The following TATDN2 variants were observed in gnomAD, a reference collection of about 807,000 sequenced individuals.
The protein encoded by TATDN2 is 3'-5' RNA nuclease TATDN2.
TATDN2 carries 44 observed loss-of-function variants against 60.3 expected under a neutral mutation model. The observed-to-expected ratio is 0.73, with a 90% CI of 0.57 to 0.94. The LOEUF is 0.94. Among genes scored for constraint, TATDN2 ranks in the 40% least tolerant of loss-of-function variants. The probability of loss-of-function intolerance (pLI) is 0.00; values close to 1 mark genes in which losing one functional copy is unlikely to be tolerated. For missense variants in TATDN2, 997 were observed against 948.0 expected (o/e 1.05, Z -0.68); for synonymous variants, 399 against 355.8 (o/e 1.12, Z -1.37).
chr3:10,278,600 T>C lies in TATDN2; in HGVS notation c.2145+138T>C. The C allele has an allele frequency of 1.6e-6, 2 of 1,232,974 alleles. No homozygotes were observed. The highest frequency in any genetic ancestry group is 1.9e-4 in the Middle Eastern group (1 of 5,382). The allele number at this position is 1,232,974 out of a possible 1,614,324, so 76.4% of individuals were successfully genotyped here. A position where few individuals can be genotyped will look rare whatever the true frequency, so the allele number is the denominator to read the frequency against. ...CTGGGCTGTGTAGATGCCTCCTTGC[T>C]GTTACTCTGCAGAACCAAAAGTCTA... On this transcript the variant is annotated intron_variant, in intron 6 of 7. Transcript: ENST00000448281. The surrounding 1 kb of genome is among the most constrained non-coding windows in gnomAD (Gnocchi z 4.7).
chr3:10,277,276 ACT>A (rs1698653317), intron 5 of TATDN2, among the ~76,000 whole-genome samples: 1 of 151,886 alleles, frequency 6.6e-6, no homozygotes, highest in African/African-American at 2.4e-5. Context: ...AGTTTGGTAA[ACT>A]CTCTGAACTT....
In TATDN2 at chr3:10,260,126, T is replaced by G. The variant is rs779209425; in HGVS notation, c.415-11T>G. On this transcript the variant is annotated splice_polypyrimidine_tract_variant and intron_variant, in intron 2 of 7. Coordinates refer to ENST00000448281, the MANE Select transcript of TATDN2 (RefSeq NM_014760.4). ...GGAACAGCCCTTTCAATTCTGTTTT[T>G]TTTTTCCCAGGTTGATTCCAAAGAT... is the stretch of plus-strand genomic sequence containing the variant. 3.8e-6 allele frequency: 6 copies of G among 1,591,062 alleles called. No homozygotes were observed.
rs924947098 is a variant in TATDN2 at position 10,278,470 on chromosome 3, G to A, written c.2145+8G>A. ...TATTTCCTCCCTCGCCAGGTAAGGG[G>A]GTCTTCAGGCTGAGTGGAGGCACCG... On this transcript the variant is annotated splice_region_variant and intron_variant, in intron 6 of 7. Coordinates refer to ENST00000448281, the MANE Select transcript of TATDN2 (RefSeq NM_014760.4). This position sits in a 1 kb window ranked among gnomAD's most constrained non-coding sequence, Gnocchi z 4.7. 1 of 1,608,740 alleles carries A rather than the reference G, an allele frequency of 6.2e-7. No homozygotes were observed. Among genetic ancestry groups the A allele is most frequent in the South Asian group, 1.1e-5 (1 of 90,856 alleles).
At chr3:10,253,802 G>A (rs1343947882) in intron 2 of TATDN2, among the ~76,000 whole-genome samples, 1 of 152,226 alleles carries the variant, frequency 6.6e-6, no homozygotes, top group Non-Finnish European at 1.5e-5. Context: ...CCTACTCTGT[G>A]TAGGCACTGG....
Position 10,249,031 on chromosome 3 carries a change from T to G in TATDN2, c.-43T>G. ...ACACGGTTTGGCATCTCTGAAACCTTGAGAACTGTGATGGGCAGTGGAAAG... is the reference window on the plus strand; with the variant it reads ...ACACGGTTTGGCATCTCTGAAACCTGGAGAACTGTGATGGGCAGTGGAAAG... On this transcript the variant is annotated 5_prime_UTR_variant, in exon 1 of 8. Transcript: ENST00000448281. 1.4e-6 allele frequency: 1 copy of G among 717,226 alleles called. No individual in the cohort carries two copies. The highest frequency in any genetic ancestry group is 2.0e-6 in the Non-Finnish European group (1 of 502,038). 44.4% of individuals were successfully genotyped at this position (717,226 alleles called of 1,614,324 possible).
chr3:10,252,855 A>ATT (rs373138121), intron 2 of TATDN2, among the ~76,000 whole-genome samples: 18,294 of 111,978 alleles, frequency 0.16, 2,708 homozygotes, highest in East Asian at 0.63. Flanking sequence ...TGCCTGGCTA[A>ATT]TTTTTTTTTT....
chr3:10,275,676 G>T (rs1023103140), intron 4 of TATDN2, among the ~76,000 whole-genome samples: 14 of 152,252 alleles, frequency 9.2e-5, no homozygotes, highest in African/African-American at 3.4e-4. Flanking sequence ...AACCCAGGAG[G>T]TGGAGGCTGA....
intron 5 of TATDN2, 86 bp downstream of exon 5, chr3:10,276,574 A>G: frequency 1.3e-6 from 2 of 1,508,648 alleles, no homozygotes; most frequent in East Asian, 2.4e-5. Context: ...GTATTCTGTC[A>G]TTATACACTA....
rs1223635397 is a variant in TATDN2 at position 10,270,535 on chromosome 3, C to T, written c.1353C>T (p.Ser451=). The change falls in exon 4 of 8, where the codon TCC becomes TCT. Residue 451 remains serine (S), a synonymous_variant. Transcript: ENST00000448281. ...AGAATTCTCGTTCATTTCGCTTCTCCAGAAGCTCAGAAGAAAGAGAGGTGA... is the reference window on the plus strand; with the variant it reads ...AGAATTCTCGTTCATTTCGCTTCTCTAGAAGCTCAGAAGAAAGAGAGGTGA... ...WSQNSRSFRF[S]RSSEEREVKE... 6.2e-7 allele frequency: 1 copy of T among 1,614,196 alleles called. No homozygotes were observed. The highest frequency in any genetic ancestry group is 2.2e-5 in the East Asian group (1 of 44,888).
intron 3 of TATDN2, among the ~76,000 whole-genome samples, chr3:10,269,538 C>G (rs911584788): frequency 2.6e-5 from 4 of 151,988 alleles, no homozygotes; most frequent in Admixed American, 6.5e-5. Context: ...GGGAGACCCC[C>G]TACCTACAAG....
At chr3:10,264,753 A>G (rs1698452940) in intron 3 of TATDN2, among the ~76,000 whole-genome samples, 1 of 150,958 alleles carries the variant, frequency 6.6e-6, no homozygotes, top group Admixed American at 6.6e-5. Context: ...GTCTTGGTTC[A>G]CTGCAACCCC....
rs137868635 is a variant in TATDN2, at chr3:10,255,678, A to G, written c.415-4459A>G. 4.6e-5 allele frequency among the ~76,000 whole-genome samples: 7 copies of G among 152,308 alleles called. No homozygotes were observed. In the East Asian group the frequency reaches 1.4e-3, roughly 29 times the overall value. Reference sequence around the variant, plus strand: ...GACTCCAGGCTGGGTGCGGTGGCTCATGCCTGTAATCCCAGCACTTTGGGA... The same window carrying G: ...GACTCCAGGCTGGGTGCGGTGGCTCGTGCCTGTAATCCCAGCACTTTGGGA... On this transcript the variant is annotated intron_variant, in intron 2 of 7. Coordinates refer to ENST00000448281, the MANE Select transcript of TATDN2 (RefSeq NM_014760.4).
At chr3:10,271,550 C>T (rs1026902212) in intron 4 of TATDN2, among the ~76,000 whole-genome samples, 3 of 151,676 alleles carry the variant, frequency 2.0e-5, no homozygotes, top group African/African-American at 4.8e-5. Flanking sequence ...GTGATCCACC[C>T]GCCTTGGCCT....
Position 10,278,801 on chromosome 3 carries a change from C to G in TATDN2, c.2146-84C>G. On this transcript the variant is annotated intron_variant, in intron 6 of 7. Coordinates refer to ENST00000448281, the MANE Select transcript of TATDN2 (RefSeq NM_014760.4). The surrounding 1 kb of genome is among the most constrained non-coding windows in gnomAD (Gnocchi z 4.7). ...CAGGGCAGCCCCAAAGAGGTCCTTG[C>G]TGGGGAAGGGACAGGGAGGGAGTTC... 2.5e-6 allele frequency: 4 copies of G among 1,598,726 alleles called. No homozygotes were observed. Among genetic ancestry groups the G allele is most frequent in the South Asian group, 1.1e-5 (1 of 89,888 alleles).
In TATDN2 at chr3:10,255,194, TAG is replaced by T. The variant is rs529976711; in HGVS notation, c.415-4938_415-4937del. ...CCAGCTAATTTTTCTGTATTTTTTG[TAG>T]AGAGGGGTTTTTTTGCCATGTTGCC... On this transcript the variant is annotated intron_variant, in intron 2 of 7. Coordinates refer to ENST00000448281, the MANE Select transcript of TATDN2 (RefSeq NM_014760.4). Among the ~76,000 whole-genome samples the T allele has an allele frequency of 5.2e-3, 784 of 149,416 alleles. 4 individuals carry two copies. The highest frequency in any genetic ancestry group is 0.018 in the African/African-American group (751 of 40,874).
In TATDN2 at chr3:10,260,664, C is replaced by T. The variant is rs759523143; in HGVS notation, c.942C>T (p.Ile314=). The T allele has an allele frequency of 1.2e-6, 2 of 1,611,692 alleles. No individual in the cohort carries two copies. The highest frequency in any genetic ancestry group is 2.2e-5 in the South Asian group (2 of 90,738). Residue 314 remains isoleucine, a synonymous_variant, in exon 3 of 8, where the codon ATC becomes ATT. Coordinates refer to ENST00000448281, the MANE Select transcript of TATDN2 (RefSeq NM_014760.4). The part of the protein sequence containing the change: ...FLDDSDSHLE[I]QKHKDREVVM... The stretch of plus-strand genomic sequence containing the variant: ...ATGACTCTGACTCTCATTTAGAAAT[C>T]CAAAAGGTGAGTAAAGCTTGTACCA...
chr3:10,267,027 C>T lies in TATDN2; in HGVS notation c.949-3104C>T, dbSNP rs189533405. Among the ~76,000 whole-genome samples, 219 of 146,676 alleles carry T rather than the reference C, an allele frequency of 1.5e-3. 1 individual carries two copies. In the South Asian group the frequency reaches 0.017, roughly 12 times the overall value. On this transcript the variant is annotated intron_variant, in intron 3 of 7. Transcript: ENST00000448281. The stretch of plus-strand genomic sequence containing the variant: ...TTCTGCCTCCCAGGTTCAAGTGATT[C>T]TCATGTCTCAGCCTCCCGAGCAGCT...
At chr3:10,251,160 G>A (rs1349564767) in intron 2 of TATDN2, among the ~76,000 whole-genome samples, 1 of 152,084 alleles carries the variant, frequency 6.6e-6, no homozygotes, top group African/African-American at 2.4e-5. Flanking sequence ...TGTGGGCCAC[G>A]CACTGTTGGG....
At chr3:10,276,158 A>G (rs1424532509) in intron 4 of TATDN2, among the ~76,000 whole-genome samples, 5 of 152,228 alleles carry the variant, frequency 3.3e-5, no homozygotes, top group African/African-American at 1.2e-4. Flanking sequence ...GGTGGTTGTG[A>G]GGACTGCAGG....
Sources: allele counts gnomAD v4.1 joint callset (sites outside exome capture counted in the v4.1 genomes callset), GRCh38; gene constraint gnomAD v4.1.1; non-coding constraint Gnocchi (gnomAD v3.1); transcripts MANE v1.5; gene names NCBI Gene and HGNC (gene_info 2026-07-23, HGNC 2026-07-21).